Variants in TCTN1 observed in about 807,000 individuals in gnomAD.
TCTN1 encodes tectonic family member 1.
TCTN1 carries 58 observed loss-of-function variants against 65.8 expected under a neutral mutation model. The observed-to-expected ratio is 0.88, with a 90% confidence interval of 0.71 to 1.10. The LOEUF is 1.10. Ranked by LOEUF, TCTN1 falls within the 50% of genes least tolerant of loss-of-function variation. The pLI is 0.00. For missense variants in TCTN1, 645 were observed against 719.4 expected (o/e 0.90, Z 1.18); for synonymous variants, 273 against 289.1 (o/e 0.94, Z 0.57).
intron 11 of TCTN1, among the ~76,000 whole-genome samples, chr12:110,642,849 G>A (rs919711557): frequency 1.3e-5 from 2 of 151,844 alleles, no homozygotes; most frequent in Admixed American, 1.3e-4. Context: ...CTCTGCCTCT[G>A]GGTTCAAGCA....
intron 3 of TCTN1, among the ~76,000 whole-genome samples, chr12:110,627,351 C>T (rs1593273904): frequency 3.3e-5 from 5 of 152,260 alleles, no homozygotes; most frequent in South Asian, 4.1e-4. Context: ...CCTGCCTCGG[C>T]CTCTCAAAAT....
intron 14 of TCTN1, 95 bp downstream of exon 14, chr12:110,647,988 C>CT (rs1219520342): frequency 8.3e-6 from 13 of 1,568,760 alleles, no homozygotes; most frequent in Non-Finnish European, 1.1e-5. Context: ...GCATTTTATA[C>CT]TTTTTGAGGG....
chr12:110,617,055 T>C (rs1296807964), intron 1 of TCTN1, among the ~76,000 whole-genome samples: 1 of 152,244 alleles, frequency 6.6e-6, no homozygotes, highest in Non-Finnish European at 1.5e-5. Flanking sequence ...TGCTTCGTCC[T>C]TAGTAGTCTT....
chr12:110,631,673 GTGTA>G (rs1373145368), intron 4 of TCTN1, among the ~76,000 whole-genome samples: 1 of 152,102 alleles, frequency 6.6e-6, no homozygotes, highest in African/African-American at 2.4e-5. Flanking sequence ...ATTATTTTCT[GTGTA>G]TGTATCTGAG....
intron 7 of TCTN1, 144 bp downstream of exon 7, chr12:110,636,645 G>GT: frequency 1.8e-6 from 1 of 544,296 alleles, no homozygotes; most frequent in Non-Finnish European, 3.2e-6. Context: ...AAAGCAAGCA[G>GT]AAGTGCAATA....
Position 110,640,617 on chromosome 12 carries a change from C to A in TCTN1, c.978+100C>A. ...GCCCTCCGAGGACGCTCTGTCCCAG[C>A]CCATGGTGTGGCTTTTCTTGGCTCA... On this transcript the variant is annotated intron_variant, in intron 8 of 14. Coordinates refer to ENST00000397659, the MANE Select transcript of TCTN1 (RefSeq NM_001082538.3). The surrounding 1 kb of genome is among the most constrained non-coding windows in gnomAD (Gnocchi z 4.9). 6.4e-7 allele frequency: 1 copy of A among 1,562,706 alleles called. No individual in the cohort carries two copies. The highest frequency in any genetic ancestry group is 8.8e-7 in the Non-Finnish European group (1 of 1,136,840).
intron 2 of TCTN1, among the ~76,000 whole-genome samples, chr12:110,621,760 C>G (rs1205305865): frequency 6.6e-6 from 1 of 152,006 alleles, no homozygotes; most frequent in African/African-American, 2.4e-5. Flanking sequence ...GCGTGAGCCA[C>G]TGCGCCTAAC....
At chr12:110,636,008 C>A (rs1378989890) in intron 6 of TCTN1, 1 of 175,476 alleles carries the variant, frequency 5.7e-6, no homozygotes, top group African/African-American at 2.4e-5. Flanking sequence ...AAAGCTGCAG[C>A]TCTACTGGGG....
In TCTN1 at chr12:110,644,781, G is replaced by T. The variant is rs1478305347; in HGVS notation, c.1332-186G>T. On this transcript the variant is annotated intron_variant, in intron 11 of 14. Coordinates refer to ENST00000397659, the MANE Select transcript of TCTN1 (RefSeq NM_001082538.3). The surrounding 1 kb of genome is among the most constrained non-coding windows in gnomAD (Gnocchi z 4.6). Reference sequence around the variant, plus strand: ...GTAGTCCCAGCACTCTGGGAGGATTGCATGAGCCCAGGAGTTTGAGGCTGC... The same window carrying T: ...GTAGTCCCAGCACTCTGGGAGGATTTCATGAGCCCAGGAGTTTGAGGCTGC... The T allele has an allele frequency of 7.1e-6, 5 of 700,818 alleles. No homozygotes were observed. The highest frequency in any genetic ancestry group is 4.9e-6 in the Non-Finnish European group (2 of 406,528). 43.4% of individuals were successfully genotyped at this position (700,818 alleles called of 1,614,324 possible). A position where few individuals can be genotyped will look rare whatever the true frequency, so the allele number is the denominator to read the frequency against.
chr12:110,637,884 G>A (rs1427815865), intron 7 of TCTN1, among the ~76,000 whole-genome samples: 8 of 152,106 alleles, frequency 5.3e-5, no homozygotes, highest in African/African-American at 1.7e-4. Context: ...AATGAGTTAC[G>A]CATTTAGTGA....
At chr12:110,631,766 G>T (rs540639887) in intron 4 of TCTN1, among the ~76,000 whole-genome samples, 1 of 152,032 alleles carries the variant, frequency 6.6e-6, no homozygotes, top group Admixed American at 6.6e-5. Flanking sequence ...ATACATTTTT[G>T]TACACTTCAC....
intron 2 of TCTN1, among the ~76,000 whole-genome samples, chr12:110,622,367 A>G (rs1385412860): frequency 2.0e-5 from 3 of 152,022 alleles, no homozygotes; most frequent in African/African-American, 7.2e-5. Context: ...GAATGCCAGC[A>G]CCAGGGACAT....
rs2067393633 is a variant in TCTN1, at chr12:110,647,324, C to T, written c.1623C>T (p.Ser541=). The T allele has an allele frequency of 4.3e-6, 7 of 1,614,206 alleles. No individual in the cohort carries two copies. The highest frequency in any genetic ancestry group is 5.9e-6 in the Non-Finnish European group (7 of 1,180,040). The part of the protein sequence containing the change: ...IVNVTANLIS[S]SFPEANSGNE... ...ATGTAACTGCAAATCTAATTTCATC[C>T]TCCTTTCCTGAGGTAGGCCTAACCT... Residue 541 remains serine (S), a synonymous_variant, in exon 13 of 15, where the codon TCC becomes TCT. Coordinates refer to ENST00000397659, the MANE Select transcript of TCTN1 (RefSeq NM_001082538.3).
At position 110,642,133 on chromosome 12, in the gene TCTN1, G is replaced by C; in HGVS notation, c.1191-116G>C. ...CTGGGAAATAGCTGTCAAAATCCCA[G>C]AGGCCCAGAAAAAGTGTATTTGGGT... On this transcript the variant is annotated intron_variant, in intron 10 of 14. Coordinates refer to ENST00000397659, the MANE Select transcript of TCTN1 (RefSeq NM_001082538.3). 6 of 1,375,056 alleles carry C rather than the reference G, an allele frequency of 4.4e-6. No homozygotes were observed. The South Asian group carries it at 7.4e-5, about 17-fold the overall frequency. The allele number at this position is 1,375,056 out of a possible 1,614,324, so 85.2% of individuals were successfully genotyped here.
chr12:110,640,340 C>T lies in TCTN1; in HGVS notation c.844-43C>T. On this transcript the variant is annotated intron_variant, in intron 7 of 14. Transcript: ENST00000397659. The surrounding 1 kb of genome is among the most constrained non-coding windows in gnomAD (Gnocchi z 4.9). The stretch of plus-strand genomic sequence containing the variant: ...TGGTTGGTTATTTTAGCCCATCCTC[C>T]CTGGGTAGAGCATCTTCAACACTCC... 2 of 1,613,844 alleles carry T rather than the reference C, an allele frequency of 1.2e-6. No individual in the cohort carries two copies. The highest frequency in any genetic ancestry group is 1.7e-6 in the Non-Finnish European group (2 of 1,179,906).
intron 1 of TCTN1, among the ~76,000 whole-genome samples, chr12:110,617,277 T>C (rs2065108011): frequency 6.6e-6 from 1 of 152,058 alleles, no homozygotes; most frequent in Non-Finnish European, 1.5e-5. Context: ...CATGGCATAT[T>C]AACAAAACCT....
intron 9 of TCTN1, 148 bp from the exon 10 acceptor site, chr12:110,641,393 GC>G: frequency 3.4e-6 from 3 of 882,326 alleles, no homozygotes; most frequent in Admixed American, 4.2e-5. Flanking sequence ...CCTACACCTG[GC>G]AGATGTATTT....
At position 110,636,848 on chromosome 12, in the gene TCTN1, C is replaced by T. The variant is rs948522422; in HGVS notation, c.843+347C>T. Among the ~76,000 whole-genome samples, 8 of 152,238 alleles carry T rather than the reference C, an allele frequency of 5.3e-5. No homozygotes were observed. The East Asian group carries it at 1.5e-3, about 29-fold the overall frequency. ...AGAAAGCTGTCCAGCTCCCAGGATGCTGCCCGTCCAGGGCAGAAGCCATAA... is the reference window on the plus strand; with the variant it reads ...AGAAAGCTGTCCAGCTCCCAGGATGTTGCCCGTCCAGGGCAGAAGCCATAA... On this transcript the variant is annotated intron_variant, in intron 7 of 14. Transcript: ENST00000397659.
intron 2 of TCTN1, 108 bp downstream of exon 2, chr12:110,620,064 G>A: frequency 2.0e-6 from 3 of 1,522,344 alleles, no homozygotes; most frequent in Non-Finnish European, 2.7e-6. Flanking sequence ...CTGATTTCCA[G>A]TGTTTTACGT....
Sources: allele counts gnomAD v4.1 joint callset (sites outside exome capture counted in the v4.1 genomes callset), GRCh38; gene constraint gnomAD v4.1.1; non-coding constraint Gnocchi (gnomAD v3.1); transcripts MANE v1.5; gene names NCBI Gene and HGNC (gene_info 2026-07-23, HGNC 2026-07-21).